AFAP1L2: variants seen among roughly 807,000 people sequenced by gnomAD.
The protein encoded by AFAP1L2 is actin filament associated protein 1 like 2.
Under a neutral mutation model 99.3 loss-of-function variants are expected in AFAP1L2, and 46 were observed. The observed-to-expected ratio is 0.46, with a 90% confidence interval of 0.37 to 0.59. The LOEUF (loss-of-function observed/expected upper bound fraction) is 0.59. Among genes scored for constraint, AFAP1L2 ranks in the 20% least tolerant of loss-of-function variants. AFAP1L2 has a pLI of 0.00. For synonymous variants in AFAP1L2, 397 were observed against 419.1 expected (o/e 0.95, Z 0.64); for missense variants, 959 against 1,034.9 (o/e 0.93, Z 1.01).
chr10:114,386,839 G>A (rs536602188), intron 1 of AFAP1L2, among the ~76,000 whole-genome samples: 7 of 152,270 alleles, frequency 4.6e-5, no homozygotes, highest in Non-Finnish European at 8.8e-5. Context: ...TCCTGGGACT[G>A]CAGAGGGCTT....
At chr10:114,394,566 G>A (rs1433030022) in intron 1 of AFAP1L2, among the ~76,000 whole-genome samples, 1 of 152,018 alleles carries the variant, frequency 6.6e-6, no homozygotes, top group Non-Finnish European at 1.5e-5. Context: ...GTGGTAGAAA[G>A]AAACAGAGTG....
At chr10:114,379,106 A>T (rs1040329167) in intron 1 of AFAP1L2, among the ~76,000 whole-genome samples, 2 of 152,076 alleles carry the variant, frequency 1.3e-5, no homozygotes, top group Non-Finnish European at 2.9e-5. Context: ...CCAGCTACTC[A>T]GGAGGCTGAG....
intron 1 of AFAP1L2, among the ~76,000 whole-genome samples, chr10:114,355,256 C>CTTTT (rs35562783): frequency 7.5e-6 from 1 of 133,118 alleles, no homozygotes. Context: ...CTCGCTCTCT[C>CTTTT]TTTTTTTTTT....
intron 1 of AFAP1L2, among the ~76,000 whole-genome samples, chr10:114,389,580 A>G (rs983074734): frequency 5.3e-5 from 8 of 152,240 alleles, no homozygotes; most frequent in African/African-American, 1.7e-4. Context: ...ATGTGAACCC[A>G]AGGATGACTA....
In AFAP1L2 at chr10:114,377,140, A is replaced by G. The variant is rs1358705422; in HGVS notation, c.16+27300T>C. Among the ~76,000 whole-genome samples the G allele has an allele frequency of 1.3e-5, 2 of 152,220 alleles. No homozygotes were observed. Among genetic ancestry groups the G allele is most frequent in the East Asian group, 3.8e-4 (2 of 5,204 alleles). On this transcript the variant is annotated intron_variant, in intron 1 of 18. Coordinates refer to ENST00000304129, the MANE Select transcript of AFAP1L2 (RefSeq NM_001001936.3). The surrounding 1 kb of genome is among the most constrained non-coding windows in gnomAD (Gnocchi z 4.0). ...ATTCACACTCACCCATCTCCTTCCT[A>G]GTCCCAGACTTCCCAAGTCAAAGAA... is the stretch of plus-strand genomic sequence containing the variant.
intron 1 of AFAP1L2, among the ~76,000 whole-genome samples, chr10:114,362,289 C>T (rs1203957006): frequency 6.6e-6 from 1 of 152,184 alleles, no homozygotes; most frequent in Admixed American, 6.5e-5. Flanking sequence ...TAAGTCCTAA[C>T]CCCTAACGCC....
At chr10:114,393,294 C>T (rs989533534) in intron 1 of AFAP1L2, among the ~76,000 whole-genome samples, 1 of 152,210 alleles carries the variant, frequency 6.6e-6, no homozygotes, top group Non-Finnish European at 1.5e-5. Context: ...ACTGCCATGA[C>T]CTGCACCAGG....
intron 1 of AFAP1L2, among the ~76,000 whole-genome samples, chr10:114,387,149 G>A (rs2056603896): frequency 6.6e-6 from 1 of 152,236 alleles, no homozygotes; most frequent in African/African-American, 2.4e-5. Context: ...TGGTAGCACT[G>A]CAGGCTTCCC....
chr10:114,355,784 C>T (rs2051280829), intron 1 of AFAP1L2, among the ~76,000 whole-genome samples: 1 of 152,066 alleles, frequency 6.6e-6, no homozygotes, highest in Non-Finnish European at 1.5e-5. Context: ...CCAGCCTGCG[C>T]AACATGCAAA....
In AFAP1L2 at chr10:114,310,417, A is replaced by G. The variant is rs982988201; in HGVS notation, c.819T>C (p.Pro273=). ...LRVIQEVSGL[P]SEGASEGNQY... is the part of the protein sequence containing the mutation. ...GGTTTCCTTCAGATGCTCCTTCGGAAGGCAGGCCGCTCACTTCCTGGATGA... is the reference window on the plus strand; with the variant it reads ...GGTTTCCTTCAGATGCTCCTTCGGAGGGCAGGCCGCTCACTTCCTGGATGA... Residue 273 remains proline, a synonymous_variant, in exon 8 of 19, where the codon CCT becomes CCC. Transcript: ENST00000304129. The G allele has an allele frequency of 6.2e-7, 1 of 1,613,810 alleles. No homozygotes were observed.
intron 4 of AFAP1L2, among the ~76,000 whole-genome samples, chr10:114,324,763 G>A (rs1332898224): frequency 6.6e-6 from 1 of 152,226 alleles, no homozygotes; most frequent in Non-Finnish European, 1.5e-5. Context: ...GGGAGATGAT[G>A]GAAGCAGCAG....
chr10:114,329,161 C>T (rs2046871612), intron 4 of AFAP1L2, among the ~76,000 whole-genome samples: 1 of 152,194 alleles, frequency 6.6e-6, no homozygotes, highest in Admixed American at 6.5e-5. Flanking sequence ...CAGTTCCTTT[C>T]AAACAGGGAC....
chr10:114,394,283 C>G (rs1003023125), intron 1 of AFAP1L2, among the ~76,000 whole-genome samples: 6 of 152,196 alleles, frequency 3.9e-5, no homozygotes, highest in African/African-American at 7.2e-5. Context: ...GAACAAATTC[C>G]ATTGAGGCCT....
At chr10:114,393,671 TCC>T (rs1345334117) in intron 1 of AFAP1L2, 2 of 152,246 alleles carry the variant, frequency 1.3e-5, no homozygotes, top group East Asian at 3.9e-4. Flanking sequence ...GAATTCTCCC[TCC>T]GAGAACAAAA....
chr10:114,379,540 C>T (rs554357215), intron 1 of AFAP1L2, among the ~76,000 whole-genome samples: 19 of 152,276 alleles, frequency 1.2e-4, no homozygotes, highest in Middle Eastern at 3.4e-3. Context: ...ATAAAACAAA[C>T]GGTCTGGAGG....
chr10:114,378,931 A>G (rs2055185188), intron 1 of AFAP1L2, among the ~76,000 whole-genome samples: 1 of 152,116 alleles, frequency 6.6e-6, no homozygotes, highest in Non-Finnish European at 1.5e-5. Context: ...TTCCCATGAT[A>G]ACAGGCACAG....
downstream of AFAP1L2, among the ~76,000 whole-genome samples, chr10:114,292,092 C>T (rs912610649): frequency 3.3e-5 from 5 of 152,110 alleles, no homozygotes; most frequent in Admixed American, 2.6e-4. Flanking sequence ...GCCTGGCCAA[C>T]GTGGTGAAAG....
In AFAP1L2 at chr10:114,295,922, C is replaced by A. The variant is rs1224002123; in HGVS notation, c.*120G>T. 1 of 1,592,050 alleles carries A rather than the reference C, an allele frequency of 6.3e-7. No individual in the cohort carries two copies. Among genetic ancestry groups the A allele is most frequent in the East Asian group, 2.2e-5 (1 of 44,626 alleles). ...TAGCTGAAGCTCTCCATTCACAGTA[C>A]CTCAGTCTTTGCTTTTTCTTCTAAA... is the stretch of plus-strand genomic sequence containing the variant. On this transcript the variant is annotated 3_prime_UTR_variant, in exon 19 of 19. Coordinates refer to ENST00000304129, the MANE Select transcript of AFAP1L2 (RefSeq NM_001001936.3).
At chr10:114,306,838 G>A (rs771100542) in intron 10 of AFAP1L2, among the ~76,000 whole-genome samples, 2 of 152,124 alleles carry the variant, frequency 1.3e-5, no homozygotes, top group African/African-American at 2.4e-5. Context: ...GACTCACAGG[G>A]ACTGAGCTCC....
Sources: allele counts gnomAD v4.1 joint callset (sites outside exome capture counted in the v4.1 genomes callset), GRCh38; gene constraint gnomAD v4.1.1; non-coding constraint Gnocchi (gnomAD v3.1); transcripts MANE v1.5; gene names NCBI Gene and HGNC (gene_info 2026-07-23, HGNC 2026-07-21).